Variants in CREG2 observed in about 807,000 individuals in gnomAD.
CREG2 encodes cellular repressor of E1A stimulated genes 2, also known as protein CREG2.
A neutral mutation model predicts 26.2 loss-of-function variants in CREG2; 24 were observed. The ratio of observed to expected loss-of-function variants is 0.92; its 90% CI spans 0.66 to 1.29. The LOEUF is 1.29. CREG2 is among the 50% of genes most tolerant of loss of function. CREG2 has a pLI of 0.00. For synonymous variants in CREG2, 174 were observed against 169.2 expected (o/e 1.03, Z -0.22); for missense variants, 366 against 398.6 (o/e 0.92, Z 0.70).
chr2:101,379,573 T>G (rs917205784), intron 2 of CREG2, among the ~76,000 whole-genome samples: 1 of 152,220 alleles, frequency 6.6e-6, no homozygotes, highest in Non-Finnish European at 1.5e-5. Context: ...TTGAGTGACA[T>G]GACTTGTCAA....
intron 2 of CREG2, among the ~76,000 whole-genome samples, chr2:101,361,849 G>A (rs1242993901): frequency 6.6e-6 from 1 of 152,162 alleles, no homozygotes; most frequent in Non-Finnish European, 1.5e-5. Context: ...AGGCAAGAGG[G>A]CCCTGAGCAC....
At position 101,383,609 on chromosome 2, in the gene CREG2, C is replaced by T. The variant is rs759112720; in HGVS notation, c.535G>A (p.Asp179Asn). The stretch of plus-strand genomic sequence containing the variant: ...TTCATCAGATCAGCCACCACGGGGT[C>T]CTTGGCTGTCATGTAGAAGAAAGGA... ...GIPFFYMTAK[D>N]PVVADLMKNP... Residue 179 changes from aspartate to asparagine, a missense_variant, in exon 2 of 4, where the codon GAC (aspartate) becomes AAC (asparagine). By Grantham distance (23) the Asp-to-Asn change is conservative. Transcript: ENST00000324768. The T allele has an allele frequency of 1.9e-6, 3 of 1,614,044 alleles. No homozygotes were observed. The Admixed American group carries it at 5.0e-5, about 27-fold the overall frequency.
rs1351388328 is a variant in CREG2 at position 101,358,831 on chromosome 2, C to G, written c.612-3465G>C. Among the ~76,000 whole-genome samples, 2 of 20,938 alleles carry G rather than the reference C, an allele frequency of 9.6e-5. 1 individual carries two copies. Among genetic ancestry groups the G allele is most frequent in the Non-Finnish European group, 4.7e-4 (2 of 4,282 alleles). The allele number at this position is 20,938 out of a possible 152,430, so 13.7% of individuals were successfully genotyped here. On this transcript the variant is annotated intron_variant, in intron 2 of 3. Coordinates refer to ENST00000324768, the MANE Select transcript of CREG2 (RefSeq NM_153836.4). ...CGGGCGGATCACGAGGTCAGGAGAT[C>G]GAGACCATCCCGGCTAAAACGGTGA... is the stretch of plus-strand genomic sequence containing the variant.
In CREG2 at chr2:101,355,325, A is replaced by G. The variant is rs1353695834; in HGVS notation, c.653T>C (p.Leu218Ser). The change falls in exon 3 of 4, where the codon TTA becomes TCA. Residue 218 changes from leucine to serine, a missense_variant. Physicochemically the swap from Leu to Ser is moderately radical, Grantham distance 145. Transcript: ENST00000324768. Reference protein sequence around the residue: ...VDPEDPRCVQLTLTGQMIAVS... With the variant: ...VDPEDPRCVQSTLTGQMIAVS... ...TGCGATCATCTGGCCAGTGAGCGTT[A>G]ACTGGACACATCGGGGATCTTCCGG... The G allele has an allele frequency of 6.2e-7, 1 of 1,613,988 alleles. No homozygotes were observed. Among genetic ancestry groups the G allele is most frequent in the Non-Finnish European group, 8.5e-7 (1 of 1,179,838 alleles).
At chr2:101,376,493 G>A (rs1386437254) in intron 2 of CREG2, among the ~76,000 whole-genome samples, 1 of 152,032 alleles carries the variant, frequency 6.6e-6, no homozygotes. Flanking sequence ...TTGGCCAGGT[G>A]GGTCTTGAAC....
chr2:101,365,449 C>G (rs961504282), intron 2 of CREG2, among the ~76,000 whole-genome samples: 3 of 152,162 alleles, frequency 2.0e-5, no homozygotes, highest in African/African-American at 7.2e-5. Context: ...CAATAGTTCC[C>G]TGATTCATCA....
chr2:101,361,351 G>A (rs772042296), intron 2 of CREG2, among the ~76,000 whole-genome samples: 6 of 152,150 alleles, frequency 3.9e-5, no homozygotes, highest in Admixed American at 2.6e-4. Context: ...AGAGGAAGTC[G>A]GTTGCTAATC....
At position 101,351,030 on chromosome 2, in the gene CREG2, A is replaced by G. The variant is rs1332667483; in HGVS notation, c.766T>C (p.Phe256Leu). ...MRKWPRQYEW[F>L]FMKMRIEHIW... ...TGTTCTATCCTCATCTTCATAAAGA[A>G]CCATTCATATTGACGAGGCCACTTC... is the stretch of plus-strand genomic sequence containing the variant. The change falls in exon 4 of 4, where the codon TTC becomes CTC. Residue 256 changes from phenylalanine (F) to leucine (L), a missense_variant. Phe to Leu is a conservative substitution (Grantham distance 22). Transcript: ENST00000324768. 1 of 1,614,194 alleles carries G rather than the reference A, an allele frequency of 6.2e-7. No individual in the cohort carries two copies. Among genetic ancestry groups the G allele is most frequent in the East Asian group, 2.2e-5 (1 of 44,888 alleles).
intron 2 of CREG2, 111 bp downstream of exon 2, chr2:101,383,422 T>C: frequency 1.1e-6 from 1 of 937,214 alleles, no homozygotes; most frequent in South Asian, 1.6e-5. Flanking sequence ...TGAACATCAA[T>C]GTGCATCTCA....
rs1573304023 is a variant in CREG2, at chr2:101,358,730, A to G, written c.612-3364T>C. The stretch of plus-strand genomic sequence containing the variant: ...AAGAAAGAATTCAGCTGAGGGGGGC[A>G]TAAGGCAGAGTGAGAACTGAGGTGG... On this transcript the variant is annotated intron_variant, in intron 2 of 3. Coordinates refer to ENST00000324768, the MANE Select transcript of CREG2 (RefSeq NM_153836.4). Among the ~76,000 whole-genome samples the G allele has an allele frequency of 2.6e-5, 4 of 152,304 alleles. No individual in the cohort carries two copies. The South Asian group carries it at 8.3e-4, about 32-fold the overall frequency.
chr2:101,370,898 G>A (rs1257834963), intron 2 of CREG2, among the ~76,000 whole-genome samples: 2 of 152,194 alleles, frequency 1.3e-5, no homozygotes, highest in Admixed American at 1.3e-4. Flanking sequence ...GTGATCCTCT[G>A]GGACTGAAAC....
intron 2 of CREG2, among the ~76,000 whole-genome samples, chr2:101,375,306 A>C (rs997251236): frequency 6.6e-6 from 1 of 152,252 alleles, no homozygotes; most frequent in East Asian, 1.9e-4. Context: ...CTCAGAAACT[A>C]GATTCCTTTG....
intron 2 of CREG2, among the ~76,000 whole-genome samples, chr2:101,358,664 T>A (rs980256760): frequency 6.6e-5 from 10 of 152,208 alleles, no homozygotes; most frequent in African/African-American, 2.4e-4. Flanking sequence ...AAGCAGTGAA[T>A]CTGTATGGAT....
At chr2:101,368,733 G>A (rs1265575332) in intron 2 of CREG2, among the ~76,000 whole-genome samples, 1 of 152,158 alleles carries the variant, frequency 6.6e-6, no homozygotes, top group African/African-American at 2.4e-5. Context: ...CTCCTGAATG[G>A]GATTAGTGTC....
chr2:101,373,021 A>G (rs1307516486), intron 2 of CREG2, among the ~76,000 whole-genome samples: 3 of 152,208 alleles, frequency 2.0e-5, no homozygotes, highest in African/African-American at 7.2e-5. Context: ...GGCAATCAGA[A>G]CCCTCATACA....
At chr2:101,354,075 T>A (rs911663818) in intron 3 of CREG2, among the ~76,000 whole-genome samples, 2 of 151,982 alleles carry the variant, frequency 1.3e-5, no homozygotes, top group African/African-American at 4.8e-5. Context: ...TGTATACCTA[T>A]GTAACAAACC....
chr2:101,360,867 A>G (rs1360717936), intron 2 of CREG2, among the ~76,000 whole-genome samples: 1 of 152,252 alleles, frequency 6.6e-6, no homozygotes, highest in Non-Finnish European at 1.5e-5. Flanking sequence ...CTATGTAACA[A>G]AAGCCAAATC....
intron 2 of CREG2, among the ~76,000 whole-genome samples, chr2:101,378,198 A>G (rs1379915115): frequency 6.6e-6 from 1 of 152,220 alleles, no homozygotes; most frequent in Admixed American, 6.5e-5. Context: ...GATTCCACAT[A>G]TAAGTGAGAT....
At position 101,350,593 on chromosome 2, in the gene CREG2, TTTTC is replaced by T; in HGVS notation, c.*326_*329del. On this transcript the variant is annotated 3_prime_UTR_variant, in exon 4 of 4. Transcript: ENST00000324768. ...ACATTGTAGGTACAGGCATTTTTTT[TTTTC>T]CTTAAACAATGAAACAACAATGATC... is the stretch of plus-strand genomic sequence containing the variant. 2 of 131,712 alleles carry T rather than the reference TTTTC, an allele frequency of 1.5e-5. No homozygotes were observed. Among genetic ancestry groups the T allele is most frequent in the Non-Finnish European group, 3.2e-5 (2 of 62,382 alleles). 8.2% of individuals were successfully genotyped at this position (131,712 alleles called of 1,614,324 possible). A position where few individuals can be genotyped will look rare whatever the true frequency, so the allele number is the denominator to read the frequency against.
Sources: allele counts gnomAD v4.1 joint callset (sites outside exome capture counted in the v4.1 genomes callset), GRCh38; gene constraint gnomAD v4.1.1; transcripts MANE v1.5; gene names NCBI Gene and HGNC (gene_info 2026-07-23, HGNC 2026-07-21).